Variants in OLFM2 observed in about 807,000 individuals in gnomAD.
The protein encoded by OLFM2 is olfactomedin 2.
Under a neutral mutation model 43.9 loss-of-function variants are expected in OLFM2, and 20 were observed. That is an observed-to-expected ratio of 0.46 (90% confidence interval 0.32 to 0.66). The LOEUF is 0.66. OLFM2 is among the 30% of genes least tolerant of loss of function. OLFM2 has a pLI of 0.04. For synonymous variants in OLFM2, 268 were observed against 278.6 expected (o/e 0.96, Z 0.38); for missense variants, 416 against 643.6 (o/e 0.65, Z 3.83).
chr19:9,911,654 G>A (rs986443225), intron 1 of OLFM2, among the ~76,000 whole-genome samples: 3 of 152,052 alleles, frequency 2.0e-5, no homozygotes, highest in East Asian at 1.9e-4. Context: ...TTGCACACAC[G>A]TTTGCACAGA....
chr19:9,923,081 C>T (rs910538366), intron 1 of OLFM2, among the ~76,000 whole-genome samples: 1 of 151,970 alleles, frequency 6.6e-6, no homozygotes, highest in Non-Finnish European at 1.5e-5. Flanking sequence ...CAGTTTCTCC[C>T]TATGACCCAG....
rs199678889 is a variant in OLFM2, at chr19:9,857,821, C to T, written c.254G>A (p.Arg85Gln). 6.8e-6 allele frequency: 11 copies of T among 1,613,962 alleles called. No homozygotes were observed. Among genetic ancestry groups the T allele is most frequent in the African/African-American group, 1.3e-5 (1 of 74,898 alleles). The change falls in exon 3 of 6, where the codon CGG becomes CAG. Residue 85 changes from arginine (R) to glutamine (Q), a missense_variant. By Grantham distance (43) the Arg-to-Gln change is conservative (BLOSUM62 1). Transcript: ENST00000264833. This position sits in a 1 kb window ranked among gnomAD's most constrained non-coding sequence, Gnocchi z 5.7. ...VSQSMEVLELRTYRDLQYVRG... is the reference protein window; with the variant it reads ...VSQSMEVLELQTYRDLQYVRG... The stretch of plus-strand genomic sequence containing the variant: ...TACATACTGGAGGTCGCGATACGTC[C>T]GCAACTCAAGGACCTCCATGGACTG...
intron 1 of OLFM2, among the ~76,000 whole-genome samples, chr19:9,869,191 C>A (rs1401985397): frequency 6.6e-6 from 1 of 152,106 alleles, no homozygotes; most frequent in Admixed American, 6.6e-5. Context: ...CAAAAGTACA[C>A]CAGATGCTCA....
intron 1 of OLFM2, among the ~76,000 whole-genome samples, chr19:9,895,577 C>A (rs1345533529): frequency 6.6e-6 from 1 of 152,040 alleles, no homozygotes; most frequent in African/African-American, 2.4e-5. Flanking sequence ...CCTCAATCTA[C>A]CTTTTTTCTT....
At chr19:9,892,448 C>T (rs557640669) in intron 1 of OLFM2, among the ~76,000 whole-genome samples, 5 of 152,274 alleles carry the variant, frequency 3.3e-5, no homozygotes, top group African/African-American at 7.2e-5. Context: ...CGGTGCCTCA[C>T]GCCTGTAATC....
intron 1 of OLFM2, among the ~76,000 whole-genome samples, chr19:9,924,649 CT>C (rs1396301793): frequency 6.6e-6 from 1 of 151,856 alleles, no homozygotes; most frequent in Non-Finnish European, 1.5e-5. Flanking sequence ...ATGCAAGTGT[CT>C]TTTTTATGGT....
chr19:9,902,994 G>C (rs2046753855), intron 1 of OLFM2, among the ~76,000 whole-genome samples: 1 of 145,552 alleles, frequency 6.9e-6, no homozygotes, highest in South Asian at 2.2e-4. Context: ...TGTACTTTTT[G>C]TACAGACAGC....
rs918869688 is a variant in OLFM2 at position 9,853,929 on chromosome 19, C to T, written c.*257G>A. 1.7e-6 allele frequency: 1 copy of T among 576,610 alleles called. No homozygotes were observed. The highest frequency in any genetic ancestry group is 3.0e-6 in the Non-Finnish European group (1 of 327,924). 35.7% of individuals were successfully genotyped at this position (576,610 alleles called of 1,614,324 possible). ...ACGGAAAGAACTGGAGAACCAGAGC[C>T]ATAAAAAGAAAAAGACATCCATAAA... On this transcript the variant is annotated 3_prime_UTR_variant, in exon 6 of 6. Coordinates refer to ENST00000264833, the MANE Select transcript of OLFM2 (RefSeq NM_058164.4).
In OLFM2 at chr19:9,854,890, G is replaced by T; in HGVS notation, c.688-27C>A. ...TATGGTAGCAGCCGCTGGTCACTGGGGGGAACCACCACCAACGACCCAAGG... is the reference window on the plus strand; with the variant it reads ...TATGGTAGCAGCCGCTGGTCACTGGTGGGAACCACCACCAACGACCCAAGG... On this transcript the variant is annotated intron_variant, in intron 5 of 5. Transcript: ENST00000264833. This position sits in a 1 kb window ranked among gnomAD's most constrained non-coding sequence, Gnocchi z 9.5. 1 of 1,526,288 alleles carries T rather than the reference G, an allele frequency of 6.6e-7. No individual in the cohort carries two copies. The highest frequency in any genetic ancestry group is 2.4e-5 in the East Asian group (1 of 42,522). 94.5% of individuals were successfully genotyped at this position (1,526,288 alleles called of 1,614,324 possible).
intron 1 of OLFM2, among the ~76,000 whole-genome samples, chr19:9,905,084 G>C (rs2046773774): frequency 6.6e-6 from 1 of 152,090 alleles, no homozygotes; most frequent in Non-Finnish European, 1.5e-5. Context: ...CACTTTGGGA[G>C]GCCAAGGCGG....
intron 1 of OLFM2, among the ~76,000 whole-genome samples, chr19:9,873,930 T>G (rs4804118): frequency 0.058 from 8,616 of 147,586 alleles, 317 homozygotes; most frequent in Non-Finnish European, 0.086. Context: ...AAATTACAGG[T>G]GTGGGCCACC....
chr19:9,866,665 A>AT (rs1021246334), intron 1 of OLFM2, among the ~76,000 whole-genome samples: 13 of 151,306 alleles, frequency 8.6e-5, no homozygotes, highest in Non-Finnish European at 1.8e-4. Flanking sequence ...ACGACTGGCT[A>AT]TTTTTTTTGG....
rs772109316 is a variant in OLFM2, at chr19:9,854,368, C to T, written c.1183G>A (p.Ala395Thr). The T allele has an allele frequency of 3.1e-6, 5 of 1,614,186 alleles. No homozygotes were observed. The highest frequency in any genetic ancestry group is 1.7e-5 in the Admixed American group (1 of 60,032). Reference sequence around the variant, plus strand: ...TAACTGGACGTGTTGGTAAAATAGGCGAAGTAGACCTTGGCCCCAGCCAGG... The same window carrying T: ...TAACTGGACGTGTTGGTAAAATAGGTGAAGTAGACCTTGGCCCCAGCCAGG... ...SHLAGAKVYF[A>T]YFTNTSSYEY... is the part of the protein sequence containing the mutation. Residue 395 changes from alanine to threonine, a missense_variant, in exon 6 of 6, where the codon GCC becomes ACC. Transcript: ENST00000264833. The surrounding 1 kb of genome is among the most constrained non-coding windows in gnomAD (Gnocchi z 9.5).
At chr19:9,922,308 G>GAAA (rs1251361275) in intron 1 of OLFM2, among the ~76,000 whole-genome samples, 2 of 151,836 alleles carry the variant, frequency 1.3e-5, no homozygotes, top group Non-Finnish European at 2.9e-5. Context: ...CTACAAATCA[G>GAAA]TAAGAAAAAA....
chr19:9,930,690 C>T (rs1348365065), intron 1 of OLFM2, among the ~76,000 whole-genome samples: 1 of 143,644 alleles, frequency 7.0e-6, no homozygotes, highest in Non-Finnish European at 1.5e-5. Context: ...ATTAAAAATA[C>T]AAAAAAAAAA....
chr19:9,926,417 T>C (rs1192068634), intron 1 of OLFM2, among the ~76,000 whole-genome samples: 1 of 151,794 alleles, frequency 6.6e-6, no homozygotes, highest in East Asian at 2.0e-4. Flanking sequence ...CCGGGCGTGG[T>C]GGCGGCCGCC....
chr19:9,875,263 G>C (rs186304030), intron 1 of OLFM2, among the ~76,000 whole-genome samples: 13 of 152,320 alleles, frequency 8.5e-5, no homozygotes, highest in African/African-American at 2.4e-4. Flanking sequence ...AGGCGAGAGA[G>C]ATCTTTCTAG....
intron 1 of OLFM2, among the ~76,000 whole-genome samples, chr19:9,894,621 A>G (rs2046667459): frequency 6.6e-6 from 1 of 151,110 alleles, no homozygotes; most frequent in Non-Finnish European, 1.5e-5. Context: ...AGCCACGAGA[A>G]TGGCTTGAAC....
chr19:9,896,690 T>C (rs2046688475), intron 1 of OLFM2, among the ~76,000 whole-genome samples: 1 of 152,216 alleles, frequency 6.6e-6, no homozygotes. Flanking sequence ...TCTTGCTTCC[T>C]CTGACTTCCA....
Sources: allele counts gnomAD v4.1 joint callset (sites outside exome capture counted in the v4.1 genomes callset), GRCh38; gene constraint gnomAD v4.1.1; non-coding constraint Gnocchi (gnomAD v3.1); transcripts MANE v1.5; gene names NCBI Gene and HGNC (gene_info 2026-07-23, HGNC 2026-07-21).